The following CACNA1E variants were observed in gnomAD, a reference collection of about 807,000 sequenced individuals.
The protein encoded by CACNA1E is voltage-dependent R-type calcium channel subunit alpha-1E.
Under a neutral mutation model 259.2 loss-of-function variants are expected in CACNA1E, and 40 were observed. The ratio of observed to expected loss-of-function variants is 0.15; its 90% confidence interval spans 0.12 to 0.20. The LOEUF (loss-of-function observed/expected upper bound fraction) is 0.20, where lower values mean the gene tolerates loss of function less well. Among genes scored for constraint, CACNA1E ranks in the 10% least tolerant of loss-of-function variants. The probability of loss-of-function intolerance (pLI) is 1.00; values close to 1 mark genes in which losing one functional copy is unlikely to be tolerated. For synonymous variants in CACNA1E, 1,104 were observed against 1,138.5 expected (o/e 0.97, Z 0.61); for missense variants, 1,874 against 3,040.1 (o/e 0.62, Z 9.02).
chr1:181,682,548 G>A (rs1233282655), intron 7 of CACNA1E, among the ~76,000 whole-genome samples: 2 of 152,096 alleles, frequency 1.3e-5, no homozygotes, highest in African/African-American at 4.8e-5. Context: ...GTATTAGTCT[G>A]TTCTCACATT....
chr1:181,573,493 C>T (rs1432777217), intron 3 of CACNA1E, among the ~76,000 whole-genome samples: 1 of 152,192 alleles, frequency 6.6e-6, no homozygotes, highest in Non-Finnish European at 1.5e-5. Context: ...AGTTTCCATT[C>T]TTTCCTCTGT....
intron 1 of CACNA1E, among the ~76,000 whole-genome samples, chr1:181,367,158 G>A (rs1160959401): frequency 6.6e-6 from 1 of 152,140 alleles, no homozygotes; most frequent in Non-Finnish European, 1.5e-5. Flanking sequence ...GAGTGTTGTG[G>A]TTGCGCCTTC....
chr1:181,319,271 T>G (rs910367562), intron 1 of CACNA1E, among the ~76,000 whole-genome samples: 2 of 152,220 alleles, frequency 1.3e-5, no homozygotes, highest in African/African-American at 4.8e-5. Context: ...CAGGCTGAAC[T>G]CAGAGAAGTG....
intron 2 of CACNA1E, among the ~76,000 whole-genome samples, chr1:181,445,334 CTA>C (rs1360064749): frequency 6.6e-6 from 1 of 152,222 alleles, no homozygotes; most frequent in Non-Finnish European, 1.5e-5. Context: ...CAAGTCAACA[CTA>C]TTCCTGAGTG....
In CACNA1E at chr1:181,768,759, T is replaced by G. The variant is rs535265523; in HGVS notation, c.4881+2148T>G. On this transcript the variant is annotated intron_variant, in intron 35 of 47. Coordinates refer to ENST00000367573, the MANE Select transcript of CACNA1E (RefSeq NM_001205293.3). ...GCTATGACTTGCTTTGAGCTGGCCA[T>G]CCCCATCCTGGTCTATGACAGAGAC... Among the ~76,000 whole-genome samples, 17 of 152,158 alleles carry G rather than the reference T, an allele frequency of 1.1e-4. 1 individual carries two copies. In the South Asian group the frequency reaches 3.3e-3, roughly 30 times the overall value.
At position 181,778,671 on chromosome 1, in the gene CACNA1E, C is replaced by G. The variant is rs186255812; in HGVS notation, c.5267+2443C>G. 2.5e-3 allele frequency among the ~76,000 whole-genome samples: 376 copies of G among 152,268 alleles called. 3 individuals carry two copies. Among genetic ancestry groups the G allele is most frequent in the African/African-American group, 8.5e-3 (355 of 41,548 alleles). On this transcript the variant is annotated intron_variant, in intron 38 of 47. Transcript: ENST00000367573. Reference sequence around the variant, plus strand: ...TAGGAAGCTGGTACTCTCTAATGGGCTCCTGGGAAAAGGGTTGGTAAGATA... The same window carrying G: ...TAGGAAGCTGGTACTCTCTAATGGGGTCCTGGGAAAAGGGTTGGTAAGATA...
intron 1 of CACNA1E, among the ~76,000 whole-genome samples, chr1:181,323,124 A>T (rs113766108): frequency 6.6e-6 from 1 of 152,202 alleles, no homozygotes; most frequent in Non-Finnish European, 1.5e-5. Context: ...TGTCTTGCAG[A>T]GAGTATCTGT....
At chr1:181,524,861 G>C (rs971855307) in intron 3 of CACNA1E, among the ~76,000 whole-genome samples, 16 of 152,174 alleles carry the variant, frequency 1.1e-4, no homozygotes, top group African/African-American at 3.9e-4. Flanking sequence ...TGCCCTGTGG[G>C]AAGGAGAGCA....
At chr1:181,359,950 G>A (rs1048016937) in intron 1 of CACNA1E, among the ~76,000 whole-genome samples, 8 of 152,160 alleles carry the variant, frequency 5.3e-5, no homozygotes, top group Non-Finnish European at 8.8e-5. Context: ...TTGCTGAAAT[G>A]TCTACATTGC....
In CACNA1E at chr1:181,776,623, T is replaced by C. The variant is rs1345422196; in HGVS notation, c.5267+395T>C. The stretch of plus-strand genomic sequence containing the variant: ...ACATCTGGCCACCATGATCAGTGAC[T>C]GTGTTTTCTCTTTCTCGTTCCTCTC... On this transcript the variant is annotated intron_variant, in intron 38 of 47. Transcript: ENST00000367573. This position sits in a 1 kb window ranked among gnomAD's most constrained non-coding sequence, Gnocchi z 4.4. 6.6e-6 allele frequency among the ~76,000 whole-genome samples: 1 copy of C among 152,388 alleles called. No individual in the cohort carries two copies. The highest frequency in any genetic ancestry group is 1.9e-4 in the East Asian group (1 of 5,194).
intron 1 of CACNA1E, among the ~76,000 whole-genome samples, chr1:181,495,304 A>T (rs1392925628): frequency 6.6e-6 from 1 of 152,210 alleles, no homozygotes; most frequent in African/African-American, 2.4e-5. Context: ...TGACCTCTGG[A>T]TTCAAATCTC....
At chr1:181,610,566 T>C (rs2103107759) in intron 6 of CACNA1E, among the ~76,000 whole-genome samples, 1 of 152,378 alleles carries the variant, frequency 6.6e-6, no homozygotes, top group Non-Finnish European at 1.5e-5. Context: ...CAAACATTGT[T>C]TCTTATGCTT....
intron 1 of CACNA1E, among the ~76,000 whole-genome samples, chr1:181,368,175 A>G (rs900405976): frequency 1.2e-4 from 19 of 152,132 alleles, no homozygotes; most frequent in African/African-American, 4.1e-4. Context: ...GGTTGCGGTG[A>G]GCCGAGATCA....
rs1333319356 is a variant in CACNA1E, at chr1:181,721,581, GA to G, written c.1957-169del. Among the ~76,000 whole-genome samples the G allele has an allele frequency of 4.0e-5, 6 of 149,462 alleles. No homozygotes were observed. In the South Asian group the frequency reaches 8.4e-4, roughly 21 times the overall value. Reference sequence around the variant, plus strand: ...CAATGCCTAAAATTCTTTTCCATACGAAAAAAAAGTTTAGGATTATTTATGG... The same window carrying G: ...CAATGCCTAAAATTCTTTTCCATACGAAAAAAAGTTTAGGATTATTTATGG... On this transcript the variant is annotated intron_variant, in intron 15 of 47. Coordinates refer to ENST00000367573, the MANE Select transcript of CACNA1E (RefSeq NM_001205293.3).
intron 3 of CACNA1E, among the ~76,000 whole-genome samples, chr1:181,542,117 G>A (rs1179457673): frequency 2.0e-5 from 3 of 152,118 alleles, no homozygotes; most frequent in African/African-American, 4.8e-5. Flanking sequence ...TGAGTAAGCC[G>A]TCCTGGAAAC....
rs754800260 is a variant in CACNA1E, at chr1:181,483,969, T to C, written c.225T>C (p.Asp75=). The C allele has an allele frequency of 4.3e-6, 7 of 1,613,806 alleles. No homozygotes were observed. Among genetic ancestry groups the C allele is most frequent in the Non-Finnish European group, 5.9e-6 (7 of 1,179,766 alleles). ...VNRSLFIFGE[D]NIVRKYAKKL... ...GATCCCTGTTCATCTTCGGAGAAGATAACATTGTCAGGAAATATGCCAAGA... is the reference window on the plus strand; with the variant it reads ...GATCCCTGTTCATCTTCGGAGAAGACAACATTGTCAGGAAATATGCCAAGA... Residue 75 remains aspartate (D), a synonymous_variant, in exon 1 of 48, where the codon GAT becomes GAC. Transcript: ENST00000367573.
At chr1:181,429,569 C>T (rs1206612203) in intron 2 of CACNA1E, among the ~76,000 whole-genome samples, 1 of 152,212 alleles carries the variant, frequency 6.6e-6, no homozygotes. Flanking sequence ...GGGTCTATTG[C>T]TCAGGAGCCT....
At position 181,483,997 on chromosome 1, in the gene CACNA1E, C is replaced by T. The variant is rs753054065; in HGVS notation, c.253C>T (p.Leu85Phe). The T allele has an allele frequency of 1.9e-6, 3 of 1,613,552 alleles. No homozygotes were observed. The Admixed American group carries it at 5.0e-5, about 27-fold the overall frequency. ...CATTGTCAGGAAATATGCCAAGAAGCTCATCGATTGGCCATATCCTTTCTT... is the reference window on the plus strand; with the variant it reads ...CATTGTCAGGAAATATGCCAAGAAGTTCATCGATTGGCCATATCCTTTCTT... ...DNIVRKYAKK[L>F]IDWPPFEYMI... The change falls in exon 1 of 48, where the codon CTC becomes TTC. Residue 85 changes from leucine (L) to phenylalanine (F), a missense_variant. By Grantham distance (22) the Leu-to-Phe change is conservative (BLOSUM62 0). Around this residue, in one of 14 missense-constraint regions of CACNA1E, gnomAD observed 110 missense variants for 122.8 expected, o/e 0.90. Coordinates refer to ENST00000367573, the MANE Select transcript of CACNA1E (RefSeq NM_001205293.3).
chr1:181,663,759 T>A (rs1647922595), intron 7 of CACNA1E, among the ~76,000 whole-genome samples: 1 of 152,220 alleles, frequency 6.6e-6, no homozygotes, highest in South Asian at 2.1e-4. Context: ...GTAATTATGA[T>A]AGGTTGGACA....
Sources: gnomAD v4.1 joint callset for allele counts (sites outside exome capture counted in the v4.1 genomes callset) on GRCh38, gnomAD v4.1.1 for gene constraint, gnomAD v4.1.1 regional missense constraint, Gnocchi (gnomAD v3.1) non-coding constraint, MANE v1.5 for transcripts, NCBI Gene and HGNC (gene_info 2026-07-23, HGNC 2026-07-21) for gene names.